The following NOL4 variants were observed in gnomAD, a reference collection of about 807,000 sequenced individuals.
NOL4 encodes the protein cancer/testis antigen 125.
A neutral mutation model predicts 75.9 loss-of-function variants in NOL4; 17 were observed. That is an observed-to-expected ratio of 0.22 (90% confidence interval 0.15 to 0.34). The LOEUF (loss-of-function observed/expected upper bound fraction) is 0.34. Among genes scored for constraint, NOL4 ranks in the 10% least tolerant of loss-of-function variants. NOL4 has a pLI of 1.00. For missense variants in NOL4, 614 were observed against 793.5 expected, an observed-to-expected ratio of 0.77 and a Z score of 2.72; for synonymous variants, 292 against 289.9, an observed-to-expected ratio of 1.01 and a Z score of -0.07.
intron 5 of NOL4, 98 bp from the exon 6 acceptor site, chr18:34,019,699 T>A: frequency 9.8e-7 from 1 of 1,018,362 alleles, no homozygotes; most frequent in East Asian, 2.6e-5. Context: ...ATGAATGGCA[T>A]TTTACATACA....
At chr18:33,966,208 T>C (rs1368008680) in intron 6 of NOL4, among the ~76,000 whole-genome samples, 2 of 152,096 alleles carry the variant, frequency 1.3e-5, no homozygotes, top group Admixed American at 6.6e-5. Context: ...TTTTGAAACA[T>C]TAGATTAAAA....
At chr18:33,957,027 C>T (rs546633729) in intron 8 of NOL4, among the ~76,000 whole-genome samples, 2 of 152,140 alleles carry the variant, frequency 1.3e-5, no homozygotes, top group East Asian at 3.9e-4. Flanking sequence ...CAAATATGAA[C>T]GAGATGCTGG....
chr18:33,863,946 C>A (rs1362309658), intron 10 of NOL4, among the ~76,000 whole-genome samples: 5 of 152,198 alleles, frequency 3.3e-5, no homozygotes, highest in Non-Finnish European at 7.3e-5. Context: ...GACTTCTGTA[C>A]ACCAGCAGGT....
intron 1 of NOL4, among the ~76,000 whole-genome samples, chr18:34,215,301 G>A (rs867804725): frequency 6.6e-6 from 1 of 152,174 alleles, no homozygotes; most frequent in Non-Finnish European, 1.5e-5. Flanking sequence ...TGTCATGTCA[G>A]ATTGGGAAGT....
intron 5 of NOL4, among the ~76,000 whole-genome samples, chr18:34,059,708 C>T (rs1367736745): frequency 6.6e-6 from 1 of 152,054 alleles, no homozygotes; most frequent in African/African-American, 2.4e-5. Flanking sequence ...AGGAAATGAC[C>T]CTGTGTAAGT....
intron 10 of NOL4, among the ~76,000 whole-genome samples, chr18:33,866,612 A>AT (rs1187672832): frequency 6.6e-6 from 1 of 152,166 alleles, no homozygotes; most frequent in Non-Finnish European, 1.5e-5. Context: ...CAAATTCAGT[A>AT]TTTTGTGGAG....
At chr18:34,128,492 G>A (rs372693493) in intron 2 of NOL4, among the ~76,000 whole-genome samples, 1 of 151,776 alleles carries the variant, frequency 6.6e-6, no homozygotes, top group African/African-American at 2.4e-5. Flanking sequence ...AATAGCCCTG[G>A]CTTAGGAGAC....
intron 6 of NOL4, among the ~76,000 whole-genome samples, chr18:33,983,184 G>T (rs1190463560): frequency 2.0e-5 from 3 of 152,062 alleles, no homozygotes; most frequent in Admixed American, 1.3e-4. Context: ...GTTGCCAGGG[G>T]TTAGGGGGAG....
intron 6 of NOL4, among the ~76,000 whole-genome samples, chr18:33,961,733 C>T (rs541036015): frequency 6.6e-6 from 1 of 152,018 alleles, no homozygotes; most frequent in South Asian, 2.1e-4. Flanking sequence ...AAGTAGAGGC[C>T]ATCCATTCAT....
intron 1 of NOL4, among the ~76,000 whole-genome samples, chr18:34,164,538 A>G (rs987469474): frequency 3.3e-5 from 5 of 152,138 alleles, no homozygotes; most frequent in African/African-American, 1.2e-4. Context: ...CAAAACCACA[A>G]TGATACCATC....
chr18:33,864,019 T>A (rs1599666946), intron 10 of NOL4, among the ~76,000 whole-genome samples: 1 of 152,286 alleles, frequency 6.6e-6, no homozygotes, highest in East Asian at 1.9e-4. Context: ...TGGCTGAACC[T>A]TTACCTTGGC....
chr18:34,096,875 C>T (rs913668665), intron 4 of NOL4, among the ~76,000 whole-genome samples: 2 of 152,090 alleles, frequency 1.3e-5, no homozygotes, highest in African/African-American at 4.8e-5. Context: ...TTATTTCTAT[C>T]TTCAGAAGTT....
At chr18:34,140,306 G>A (rs1307512320) in intron 1 of NOL4, among the ~76,000 whole-genome samples, 1 of 152,120 alleles carries the variant, frequency 6.6e-6, no homozygotes, top group Non-Finnish European at 1.5e-5. Flanking sequence ...ATTATTGTGT[G>A]GGAGTCTCAG....
intron 5 of NOL4, among the ~76,000 whole-genome samples, chr18:34,080,904 A>T (rs2077981243): frequency 6.6e-6 from 1 of 152,234 alleles, no homozygotes; most frequent in South Asian, 2.1e-4. Flanking sequence ...CATTATTGTA[A>T]TAGTACCTCA....
chr18:33,861,565 GC>G (rs2063135590), intron 10 of NOL4, among the ~76,000 whole-genome samples: 1 of 151,910 alleles, frequency 6.6e-6, no homozygotes, highest in Non-Finnish European at 1.5e-5. Context: ...ATCAACATCA[GC>G]AAAGTCTCAG....
chr18:34,110,650 T>C, intron 2 of NOL4, among the ~76,000 whole-genome samples: 1 of 152,168 alleles, frequency 6.6e-6, no homozygotes, highest in Non-Finnish European at 1.5e-5. Context: ...CTTTTGTCAC[T>C]TGTATTCAAT....
chr18:34,118,958 A>T (rs533234549), intron 2 of NOL4, among the ~76,000 whole-genome samples: 62 of 152,324 alleles, frequency 4.1e-4, no homozygotes, highest in Admixed American at 1.8e-3. Context: ...CATAGGCACC[A>T]TAATTACCCC....
At chr18:33,996,293 T>C (rs1173277738) in intron 6 of NOL4, among the ~76,000 whole-genome samples, 3 of 151,758 alleles carry the variant, frequency 2.0e-5, no homozygotes, top group Non-Finnish European at 1.5e-5. Context: ...CTATTAGAAA[T>C]AATTATAGAA....
At chr18:34,067,564 A>G (rs1208822173) in intron 5 of NOL4, among the ~76,000 whole-genome samples, 3 of 152,180 alleles carry the variant, frequency 2.0e-5, no homozygotes, top group Non-Finnish European at 4.4e-5. Context: ...TAGAGACTCG[A>G]AAGTGGAGAA....
Sources: gnomAD v4.1 joint callset for allele counts (sites outside exome capture counted in the v4.1 genomes callset) on GRCh38, gnomAD v4.1.1 for gene constraint, MANE v1.5 for transcripts, NCBI Gene and HGNC (gene_info 2026-07-23, HGNC 2026-07-21) for gene names.